PDZD9: variants seen among roughly 807,000 people sequenced by gnomAD.
The protein encoded by PDZD9 is PDZ domain-containing protein 9.
In PDZD9, 13 loss-of-function variants were observed where a neutral mutation model predicts 16.3. That is an observed-to-expected ratio of 0.80 (90% CI 0.52 to 1.27). The LOEUF (loss-of-function observed/expected upper bound fraction) is 1.27. Among genes scored for constraint, PDZD9 ranks in the 50% most tolerant of loss-of-function variants. The pLI is 0.00. For synonymous variants in PDZD9, 120 were observed against 111.0 expected, an observed-to-expected ratio of 1.08 and a Z score of -0.51; for missense variants, 288 against 310.9, an observed-to-expected ratio of 0.93 and a Z score of 0.55.
chr16:21,992,470 A>G (rs752130527), intron 2 of PDZD9, among the ~76,000 whole-genome samples: 7 of 152,264 alleles, frequency 4.6e-5, no homozygotes, highest in Admixed American at 2.0e-4. Context: ...ATTTGAGTCA[A>G]TGGACTTGGA....
chr16:21,965,639 A>G, the PDZD9 span: 1 of 683,250 alleles, frequency 1.5e-6, no homozygotes, highest in Non-Finnish European at 2.2e-6. Context: ...TTTTTCATCC[A>G]CCTGCTTTTT....
downstream of PDZD9, among the ~76,000 whole-genome samples, chr16:21,978,910 G>A (rs1898649590): frequency 6.6e-6 from 1 of 152,190 alleles, no homozygotes; most frequent in Non-Finnish European, 1.5e-5. Context: ...AACAGCTGAA[G>A]TGGATATCAC....
At chr16:21,980,438 A>T, downstream of PDZD9, 1 of 1,160,388 alleles carries the variant, frequency 8.6e-7, no homozygotes, top group Non-Finnish European at 1.2e-6. Flanking sequence ...ACACGCTGTT[A>T]CTCTATCCAT....
the PDZD9 span, chr16:21,962,321 TG>T: frequency 2.1e-6 from 2 of 970,246 alleles, no homozygotes; most frequent in Non-Finnish European, 3.0e-6. Flanking sequence ...GGTTAATATG[TG>T]GAGTTTTGTT....
At chr16:21,971,503 GTT>G in the PDZD9 span, 1 of 1,581,604 alleles carries the variant, frequency 6.3e-7, no homozygotes, top group South Asian at 1.1e-5. Context: ...TTCTAGCTTT[GTT>G]TTTGCTTCTG....
At chr16:21,966,736 T>A in the PDZD9 span, among the ~76,000 whole-genome samples, 2 of 152,216 alleles carry the variant, frequency 1.3e-5, no homozygotes, top group African/African-American at 4.8e-5. Context: ...CTAATGAGTT[T>A]TGAAATTTTT....
downstream of PDZD9, among the ~76,000 whole-genome samples, chr16:21,979,559 A>G (rs1898665151): frequency 6.6e-6 from 1 of 152,196 alleles, no homozygotes; most frequent in Admixed American, 6.5e-5. Context: ...CACAAAGGTA[A>G]GTATTTGTGC....
the PDZD9 span, among the ~76,000 whole-genome samples, chr16:21,959,000 A>G: frequency 6.6e-6 from 1 of 152,226 alleles, no homozygotes; most frequent in African/African-American, 2.4e-5. Context: ...CTTAATTTTA[A>G]AATATTTTAT....
chr16:21,996,203 G>A, intron 2 of PDZD9, 119 bp downstream of exon 2: 6 of 1,244,604 alleles, frequency 4.8e-6, no homozygotes, highest in South Asian at 4.6e-5. Context: ...TGGGATTACA[G>A]GCATGAGCCA....
At chr16:21,997,262 C>A (rs1248974281) in intron 1 of PDZD9, among the ~76,000 whole-genome samples, 2 of 152,150 alleles carry the variant, frequency 1.3e-5, no homozygotes, top group Non-Finnish European at 2.9e-5. Flanking sequence ...GAATGAGTAA[C>A]AGAGGGCCAA....
the PDZD9 span, among the ~76,000 whole-genome samples, chr16:21,961,079 C>T: frequency 6.6e-6 from 1 of 152,136 alleles, no homozygotes; most frequent in African/African-American, 2.4e-5. Context: ...GATCCTCTCA[C>T]CTCAGCCCAG....
chr16:21,958,495 A>C, the PDZD9 span: 1 of 1,593,792 alleles, frequency 6.3e-7, no homozygotes, highest in Non-Finnish European at 8.6e-7. Context: ...CAAACTTGGC[A>C]TTGAAAAGCT....
downstream of PDZD9, chr16:21,983,358 T>TA (rs561526497): frequency 5.8e-4 from 314 of 539,454 alleles, no homozygotes; most frequent in African/African-American, 5.3e-3. Flanking sequence ...GTGTTTTTCT[T>TA]ACGTTTTTCT....
intron 1 of PDZD9, among the ~76,000 whole-genome samples, chr16:21,997,334 A>G (rs117225458): frequency 6.6e-6 from 1 of 152,344 alleles, no homozygotes; most frequent in East Asian, 1.9e-4. Flanking sequence ...TTAAGGCCAA[A>G]AGGACCAATA....
At chr16:21,967,490 T>C in the PDZD9 span, among the ~76,000 whole-genome samples, 1 of 152,148 alleles carries the variant, frequency 6.6e-6, no homozygotes, top group African/African-American at 2.4e-5. Context: ...CTGGAAAGGA[T>C]AGCATTTCTG....
the PDZD9 span, among the ~76,000 whole-genome samples, chr16:21,967,010 C>G: frequency 1.2e-4 from 19 of 152,060 alleles, no homozygotes; most frequent in East Asian, 3.5e-3. Flanking sequence ...CCAAAAGGTC[C>G]CTTTTTTTTA....
chr16:21,983,640 A>ATAC (rs1898791764), downstream of PDZD9: 1 of 165,618 alleles, frequency 6.0e-6, no homozygotes, highest in African/African-American at 2.4e-5. Flanking sequence ...TCCAAAAAAC[A>ATAC]TACATTTCCT....
At chr16:21,987,071 A>G (rs1042699884) in intron 3 of PDZD9, among the ~76,000 whole-genome samples, 1 of 152,208 alleles carries the variant, frequency 6.6e-6, no homozygotes, top group East Asian at 1.9e-4. Flanking sequence ...TCCAAAGAAC[A>G]AAAAGTCTTA....
At chr16:21,988,490 G>A in intron 3 of PDZD9, 112 bp downstream of exon 3, 1 of 887,608 alleles carries the variant, frequency 1.1e-6, no homozygotes. Flanking sequence ...AGTGTCACCA[G>A]TCCTCCTGTC....
Sources: allele counts gnomAD v4.1 joint callset (sites outside exome capture counted in the v4.1 genomes callset), GRCh38; gene constraint gnomAD v4.1.1; transcripts MANE v1.5; gene names NCBI Gene and HGNC (gene_info 2026-07-23, HGNC 2026-07-21).